The following PRKG1 variants were observed in gnomAD, a reference collection of about 807,000 sequenced individuals.
The protein encoded by PRKG1 is cGMP-dependent protein kinase 1.
A neutral mutation model predicts 88.1 loss-of-function variants in PRKG1; 35 were observed. The ratio of observed to expected loss-of-function variants is 0.40; its 90% CI spans 0.30 to 0.53. The LOEUF (loss-of-function observed/expected upper bound fraction) is 0.53. PRKG1 is among the 20% of genes least tolerant of loss of function. The pLI is 0.59. For synonymous variants in PRKG1, 303 were observed against 292.5 expected (o/e 1.04, Z -0.37); for missense variants, 540 against 839.8 (o/e 0.64, Z 4.41).
rs61849907 is a variant in PRKG1, at chr10:52,098,539, G to C, written c.936-35301G>C. Among the ~76,000 whole-genome samples the C allele has an allele frequency of 4.0e-3, 613 of 152,268 alleles. 3 individuals are homozygous for C. Among genetic ancestry groups the C allele is most frequent in the Admixed American group, 0.021 (325 of 15,290 alleles). On this transcript the variant is annotated intron_variant, in intron 7 of 17. Transcript: ENST00000373980. ...ACAGATGTGTAAATAGGCCGGGCGC[G>C]GTGGCTCACGCCTGTAATCCCAGCA...
chr10:52,090,329 T>C (rs1247415806), intron 7 of PRKG1, among the ~76,000 whole-genome samples: 1 of 152,034 alleles, frequency 6.6e-6, no homozygotes, highest in East Asian at 1.9e-4. Flanking sequence ...TAAAACAATT[T>C]GTGTAACAAA....
chr10:51,824,016 T>G (rs965274167), intron 4 of PRKG1, among the ~76,000 whole-genome samples: 3 of 151,760 alleles, frequency 2.0e-5, no homozygotes, highest in Non-Finnish European at 2.9e-5. Flanking sequence ...TAGGACTACA[T>G]GTGTGCACCA....
intron 3 of PRKG1, among the ~76,000 whole-genome samples, chr10:51,559,657 G>T (rs1008919702): frequency 1.3e-5 from 2 of 151,962 alleles, no homozygotes; most frequent in Admixed American, 6.6e-5. Flanking sequence ...AGACATAAAA[G>T]GTTTTCATAA....
intron 3 of PRKG1, among the ~76,000 whole-genome samples, chr10:51,578,980 GTTTTTTTTTTT>G (rs752412264): frequency 2.6e-5 from 2 of 77,832 alleles, no homozygotes; most frequent in South Asian, 1.0e-3. Flanking sequence ...AGTTCTGTTG[GTTTTTTTTTTT>G]TTTTTTTTTT....
chr10:51,723,020 A>G (rs1309470608), intron 3 of PRKG1, among the ~76,000 whole-genome samples: 2 of 152,210 alleles, frequency 1.3e-5, no homozygotes, highest in African/African-American at 4.8e-5. Flanking sequence ...AAAGTATGAT[A>G]ACATCAGGTT....
At chr10:51,252,868 G>A (rs544093560) in intron 2 of PRKG1, among the ~76,000 whole-genome samples, 1 of 151,746 alleles carries the variant, frequency 6.6e-6, no homozygotes, top group Non-Finnish European at 1.5e-5. Context: ...GCTTGAAACT[G>A]GCAATCATTG....
At position 51,110,653 on chromosome 10, in the gene PRKG1, G is replaced by A. The variant is rs146292851; in HGVS notation, c.311+35752G>A. ...GTATAAACATATGCCAAAACTTATC[G>A]ATTTATATATTTTGTATATTATATA... On this transcript the variant is annotated intron_variant, in intron 1 of 17. Transcript: ENST00000373980. Among the ~76,000 whole-genome samples the A allele has an allele frequency of 2.7e-3, 406 of 151,966 alleles. 3 individuals are homozygous for A. The highest frequency in any genetic ancestry group is 9.2e-3 in the African/African-American group (380 of 41,460).
intron 5 of PRKG1, among the ~76,000 whole-genome samples, chr10:52,036,485 T>C (rs1845613082): frequency 6.6e-6 from 1 of 151,620 alleles, no homozygotes; most frequent in South Asian, 2.1e-4. Context: ...CTTTAATCTT[T>C]TTAAAGCATG....
chr10:51,741,400 A>T (rs1439138348), intron 3 of PRKG1, among the ~76,000 whole-genome samples: 2 of 151,970 alleles, frequency 1.3e-5, no homozygotes, highest in Non-Finnish European at 2.9e-5. Context: ...CATTTTCTGC[A>T]TTCCTTCTCT....
chr10:52,159,588 T>C (rs919781311), intron 8 of PRKG1, among the ~76,000 whole-genome samples: 1 of 151,756 alleles, frequency 6.6e-6, no homozygotes, highest in African/African-American at 2.4e-5. Flanking sequence ...TTTCAAAGTG[T>C]ATTTTCAAAA....
intron 2 of PRKG1, among the ~76,000 whole-genome samples, chr10:51,313,796 A>C (rs1424467443): frequency 6.6e-6 from 1 of 152,176 alleles, no homozygotes; most frequent in Non-Finnish European, 1.5e-5. Flanking sequence ...AATCATCTCT[A>C]GGTTACTTAT....
chr10:51,542,600 C>T (rs544421537), intron 3 of PRKG1, among the ~76,000 whole-genome samples: 1 of 152,292 alleles, frequency 6.6e-6, no homozygotes, highest in Admixed American at 6.5e-5. Context: ...AGTGCCAATG[C>T]TCAACTGAGG....
intron 7 of PRKG1, among the ~76,000 whole-genome samples, chr10:52,111,885 G>C (rs935261998): frequency 6.6e-6 from 1 of 151,914 alleles, no homozygotes; most frequent in Non-Finnish European, 1.5e-5. Context: ...TCTTCTTCTC[G>C]CATACTACTT....
chr10:51,889,828 A>G (rs1014753419), intron 4 of PRKG1, among the ~76,000 whole-genome samples: 3 of 152,038 alleles, frequency 2.0e-5, no homozygotes, highest in African/African-American at 7.3e-5. Context: ...GCATTTTTTC[A>G]TGTGTCTGTT....
intron 3 of PRKG1, among the ~76,000 whole-genome samples, chr10:51,561,127 A>C (rs997606659): frequency 5.9e-5 from 9 of 152,054 alleles, no homozygotes; most frequent in African/African-American, 2.2e-4. Flanking sequence ...AAAAAAGAAA[A>C]AATTAGCTGG....
intron 5 of PRKG1, 95 bp from the exon 6 acceptor site, chr10:52,054,389 T>C: frequency 1.2e-6 from 1 of 842,100 alleles, no homozygotes; most frequent in South Asian, 1.5e-5. Flanking sequence ...TCCATTAGGA[T>C]GAATATATCC....
chr10:52,041,304 C>A (rs932569054), intron 5 of PRKG1, among the ~76,000 whole-genome samples: 1 of 152,174 alleles, frequency 6.6e-6, no homozygotes, highest in Middle Eastern at 3.2e-3. Context: ...GTTGAACCAT[C>A]CCTGCATCCT....
chr10:51,750,009 C>T (rs1305419873), intron 3 of PRKG1, among the ~76,000 whole-genome samples: 5 of 149,452 alleles, frequency 3.3e-5, no homozygotes, highest in East Asian at 3.9e-4. Flanking sequence ...GATCTTGGCT[C>T]GCTGCAACCT....
At chr10:51,360,761 T>C (rs758628787) in intron 2 of PRKG1, among the ~76,000 whole-genome samples, 17 of 151,940 alleles carry the variant, frequency 1.1e-4, no homozygotes, top group Non-Finnish European at 2.2e-4. Context: ...TTTCCTTTAG[T>C]AGTAGGTGGT....
Sources: gnomAD v4.1 joint callset for allele counts (sites outside exome capture counted in the v4.1 genomes callset) on GRCh38, gnomAD v4.1.1 for gene constraint, MANE v1.5 for transcripts, NCBI Gene and HGNC (gene_info 2026-07-23, HGNC 2026-07-21) for gene names.